NLRP5: variants seen among roughly 807,000 people sequenced by gnomAD.
NLRP5 encodes NLR family pyrin domain containing 5.
A neutral mutation model predicts 113.1 loss-of-function variants in NLRP5; 93 were observed. That is an observed-to-expected ratio of 0.82 (90% CI 0.70 to 0.98). NLRP5 has a LOEUF of 0.98. Among genes scored for constraint, NLRP5 ranks in the 50% least tolerant of loss-of-function variants. NLRP5 has a pLI of 0.00. For synonymous variants in NLRP5, 751 were observed against 600.7 expected (o/e 1.25, Z -3.66); for missense variants, 1,808 against 1,514.3 (o/e 1.19, Z -3.22).
chr19:56,001,912 G>A (rs117677111), intron 1 of NLRP5, among the ~76,000 whole-genome samples: 2,621 of 152,238 alleles, frequency 0.017, 59 homozygotes, highest in East Asian at 0.064. Flanking sequence ...GGGGGGAAAG[G>A]AGATTTGCTC....
chr19:56,037,552 G>T (rs1478984890), intron 9 of NLRP5, among the ~76,000 whole-genome samples: 1 of 151,930 alleles, frequency 6.6e-6, no homozygotes, highest in African/African-American at 2.4e-5. Flanking sequence ...AATTAGCCAG[G>T]TATGGTGGTG....
At chr19:56,024,317 C>T (rs1982726578) in intron 6 of NLRP5, among the ~76,000 whole-genome samples, 1 of 130,408 alleles carries the variant, frequency 7.7e-6, no homozygotes, top group African/African-American at 2.9e-5. Flanking sequence ...GCCTGGCCAA[C>T]ATGGTGAAAC....
chr19:56,023,504 G>T (rs1187578072), intron 6 of NLRP5, among the ~76,000 whole-genome samples: 1 of 152,174 alleles, frequency 6.6e-6, no homozygotes, highest in Non-Finnish European at 1.5e-5. Context: ...AGCGAAATCC[G>T]AATTTGCTAC....
At chr19:56,032,391 C>T (rs1031693659) in intron 7 of NLRP5, among the ~76,000 whole-genome samples, 1 of 151,180 alleles carries the variant, frequency 6.6e-6, no homozygotes, top group Non-Finnish European at 1.5e-5. Flanking sequence ...GGTTCCCAGT[C>T]ATGCCTGCAT....
chr19:56,035,286 AAAG>A (rs1304560696), intron 9 of NLRP5, among the ~76,000 whole-genome samples: 14 of 152,226 alleles, frequency 9.2e-5, no homozygotes, highest in Admixed American at 2.6e-4. Flanking sequence ...GAATAGTAAG[AAAG>A]AAGAAGAATT....
chr19:56,028,534 C>G (rs1196660024), intron 7 of NLRP5, 25 bp downstream of exon 7: 1 of 1,597,288 alleles, frequency 6.3e-7, no homozygotes, highest in Admixed American at 1.7e-5. Flanking sequence ...CAGTTTTATC[C>G]TATGCCGTGT....
In NLRP5 at chr19:56,061,604, C is replaced by A; in HGVS notation, c.*76C>A. The A allele has an allele frequency of 1.3e-6, 2 of 1,482,348 alleles. No individual in the cohort carries two copies. Among genetic ancestry groups the A allele is most frequent in the Non-Finnish European group, 1.9e-6 (2 of 1,070,016 alleles). 91.8% of individuals were successfully genotyped at this position (1,482,348 alleles called of 1,614,324 possible). A position where few individuals can be genotyped will look rare whatever the true frequency, so the allele number is the denominator to read the frequency against. On this transcript the variant is annotated 3_prime_UTR_variant, in exon 15 of 15. Coordinates refer to ENST00000390649, the MANE Select transcript of NLRP5 (RefSeq NM_153447.4). ...CGCTGTTTTCTCAGAGCAAGCTATGCACCTGGGAGTTCCTTCTCAAAGATG... is the reference window on the plus strand; with the variant it reads ...CGCTGTTTTCTCAGAGCAAGCTATGAACCTGGGAGTTCCTTCTCAAAGATG...
chr19:56,057,330 CATT>C (rs1276179825), intron 13 of NLRP5, among the ~76,000 whole-genome samples: 1 of 152,040 alleles, frequency 6.6e-6, no homozygotes, highest in Non-Finnish European at 1.5e-5. Flanking sequence ...TATAAAATGC[CATT>C]ATTATATTCA....
chr19:56,005,394 C>T (rs943949312), intron 2 of NLRP5, among the ~76,000 whole-genome samples: 3 of 139,454 alleles, frequency 2.2e-5, no homozygotes, highest in Admixed American at 2.1e-4. Context: ...TATACATATA[C>T]ACACACATAT....
At chr19:56,019,269 AT>A in intron 4 of NLRP5, 72 bp from the exon 5 acceptor site, 1 of 1,508,658 alleles carries the variant, frequency 6.6e-7, no homozygotes. Context: ...GACTAAGCTT[AT>A]CTTGGGGGTG....
upstream of NLRP5, among the ~76,000 whole-genome samples, chr19:55,997,797 C>A (rs568394092): frequency 6.6e-6 from 1 of 151,518 alleles, no homozygotes; most frequent in South Asian, 2.1e-4. Flanking sequence ...CAGAAGGCAG[C>A]AGTTGCAGTG....
Position 56,033,819 on chromosome 19 carries a change from G to C in NLRP5, c.2615+110G>C, listed in dbSNP as rs1464136035. ...GAGCTGCAAAGATGGAAAAGTTTTG[G>C]TGATGGATGGTGGTGACGATTGCAG... is the stretch of plus-strand genomic sequence containing the variant. On this transcript the variant is annotated intron_variant, in intron 9 of 14. Transcript: ENST00000390649. The C allele has an allele frequency of 1.8e-5, 16 of 897,022 alleles. No individual in the cohort carries two copies. In the Admixed American group the frequency reaches 3.7e-4, roughly 21 times the overall value. 55.6% of individuals were successfully genotyped at this position (897,022 alleles called of 1,614,324 possible).
chr19:56,016,691 C>G (rs1317579067), intron 4 of NLRP5, among the ~76,000 whole-genome samples: 1 of 152,116 alleles, frequency 6.6e-6, no homozygotes, highest in Non-Finnish European at 1.5e-5. Flanking sequence ...CGTGTCAGAT[C>G]CTCTGGTATT....
Position 56,005,468 on chromosome 19 carries a change from CATATTT to C in NLRP5, c.442+1377_442+1382del, listed in dbSNP as rs1377356459. On this transcript the variant is annotated intron_variant, in intron 2 of 14. Transcript: ENST00000390649. ...ACATATATTTTTATATACACACACACATATTTATACACACACACACGCAGGTGGCAT... is the reference window on the plus strand; with the variant it reads ...ACATATATTTTTATATACACACACACATACACACACACACGCAGGTGGCAT... Among the ~76,000 whole-genome samples the C allele has an allele frequency of 1.1e-4, 15 of 140,784 alleles. 2 individuals are homozygous for C. Among genetic ancestry groups the C allele is most frequent in the African/African-American group, 3.8e-4 (14 of 36,782 alleles). 92.4% of individuals were successfully genotyped at this position (140,784 alleles called of 152,430 possible).
chr19:56,039,973 T>G (rs1171093479), intron 10 of NLRP5, among the ~76,000 whole-genome samples: 1 of 152,182 alleles, frequency 6.6e-6, no homozygotes, highest in East Asian at 1.9e-4. Flanking sequence ...GATGTAGTTT[T>G]GGGGGGTGGT....
chr19:55,996,739 T>G (rs1289890093), upstream of NLRP5, among the ~76,000 whole-genome samples: 2 of 152,230 alleles, frequency 1.3e-5, no homozygotes, highest in Non-Finnish European at 2.9e-5. Flanking sequence ...CTATCACTGA[T>G]GGACATTTGG....
chr19:56,020,254 G>A, intron 5 of NLRP5, 121 bp from the exon 6 acceptor site: 2 of 1,161,582 alleles, frequency 1.7e-6, no homozygotes, highest in East Asian at 5.0e-5. Flanking sequence ...TTGAGCCGGT[G>A]GTTGTCATGT....
chr19:56,025,573 C>T (rs1326173426), intron 6 of NLRP5, among the ~76,000 whole-genome samples: 3 of 151,038 alleles, frequency 2.0e-5, no homozygotes, highest in South Asian at 2.1e-4. Context: ...GTCTGGCTAA[C>T]TTTTTTTTTC....
the NLRP5 span, chr19:55,988,438 G>GTATATATATATATATATATATATATATA: frequency 1.1e-5 from 1 of 91,836 alleles, no homozygotes; most frequent in African/African-American, 4.5e-5. Context: ...ATATATATGT[G>GTATATATATATATATATATATATATATA]TGTGTGTATA....
Sources: gnomAD v4.1 joint callset for allele counts (sites outside exome capture counted in the v4.1 genomes callset) on GRCh38, gnomAD v4.1.1 for gene constraint, MANE v1.5 for transcripts, NCBI Gene and HGNC (gene_info 2026-07-23, HGNC 2026-07-21) for gene names.